Variants in POPDC3 observed in about 807,000 individuals in gnomAD.
The protein encoded by POPDC3 is popeye domain-containing protein 3.
A neutral mutation model predicts 28.2 loss-of-function variants in POPDC3; 20 were observed. The observed-to-expected ratio is 0.71, with a 90% CI of 0.50 to 1.03. The LOEUF (loss-of-function observed/expected upper bound fraction) is 1.03. POPDC3 is among the 50% of genes least tolerant of loss of function. POPDC3 has a pLI of 0.00. For synonymous variants in POPDC3, 118 were observed against 124.1 expected (o/e 0.95, Z 0.33); for missense variants, 316 against 345.9 (o/e 0.91, Z 0.69).
At chr6:105,178,978 G>A in intron 1 of POPDC3, 1 of 985,446 alleles carries the variant, frequency 1.0e-6, no homozygotes, top group South Asian at 4.7e-5. Flanking sequence ...ACGAAGTTTA[G>A]TAAATCAAAT....
chr6:105,162,553 G>A (rs968057612), intron 1 of POPDC3, among the ~76,000 whole-genome samples: 4 of 151,950 alleles, frequency 2.6e-5, no homozygotes, highest in African/African-American at 4.8e-5. Flanking sequence ...CCAACATGGC[G>A]AAACCCTGTC....
intron 2 of POPDC3, 45 bp downstream of exon 2, chr6:105,161,380 C>A: frequency 6.4e-7 from 1 of 1,572,202 alleles, no homozygotes; most frequent in Non-Finnish European, 8.6e-7. Flanking sequence ...GAAACACAAA[C>A]AACTAATACT....
intron 1 of POPDC3, among the ~76,000 whole-genome samples, chr6:105,165,505 C>T (rs1277010850): frequency 3.9e-5 from 6 of 152,220 alleles, no homozygotes; most frequent in Admixed American, 3.9e-4. Flanking sequence ...GAAGTGCAAG[C>T]ACTCTGCCTT....
intron 1 of POPDC3, chr6:105,170,056 G>C (rs776733358): frequency 6.6e-6 from 1 of 152,220 alleles, no homozygotes; most frequent in Non-Finnish European, 1.5e-5. Flanking sequence ...GGTCCTACCA[G>C]TTGAGTCACT....
rs1018093258 is a variant in POPDC3, at chr6:105,172,104, A to C, written c.-252+7729T>G. On this transcript the variant is annotated intron_variant, in intron 1 of 3. Coordinates refer to ENST00000254765, the MANE Select transcript of POPDC3 (RefSeq NM_022361.5). ...ATCAGAGTGAACAGGCAACCTACAA[A>C]ATGGGAGAAAATTTTTGCAATCTAC... Among the ~76,000 whole-genome samples, 4 of 151,228 alleles carry C rather than the reference A, an allele frequency of 2.6e-5. 1 individual carries two copies. Among genetic ancestry groups the C allele is most frequent in the Non-Finnish European group, 5.9e-5 (4 of 67,862 alleles).
At chr6:105,178,684 A>G (rs901777009) in intron 1 of POPDC3, 10 of 976,286 alleles carry the variant, frequency 1.0e-5, no homozygotes, top group African/African-American at 1.8e-5. Flanking sequence ...GCGAATATGG[A>G]AACTGAGATC....
chr6:105,159,577 T>C (rs1165611323), intron 3 of POPDC3, 134 bp downstream of exon 3: 3 of 574,516 alleles, frequency 5.2e-6, no homozygotes, highest in Non-Finnish European at 9.4e-6. Context: ...GGGAAAGTCA[T>C]GTATGCTGCA....
chr6:105,176,564 G>GT (rs1491237377), intron 1 of POPDC3, among the ~76,000 whole-genome samples: 25 of 19,268 alleles, frequency 1.3e-3, no homozygotes, highest in Admixed American at 1.9e-3. Context: ...TTGACATATC[G>GT]TTTTTTTTTT....
intron 1 of POPDC3, among the ~76,000 whole-genome samples, chr6:105,175,815 C>A (rs979409228): frequency 6.6e-6 from 1 of 152,062 alleles, no homozygotes; most frequent in Non-Finnish European, 1.5e-5. Flanking sequence ...GCACTCCAGC[C>A]TGGGGTGACA....
At chr6:105,179,168 C>A (rs1774734371) in intron 1 of POPDC3, 5 of 985,292 alleles carry the variant, frequency 5.1e-6, no homozygotes, top group Middle Eastern at 1.0e-3. Flanking sequence ...CTGTAACCGA[C>A]ATGGTGATAA....
chr6:105,177,568 G>T (rs2114551480), intron 1 of POPDC3, among the ~76,000 whole-genome samples: 1 of 152,350 alleles, frequency 6.6e-6, no homozygotes. Context: ...ACCAAGATCA[G>T]CTGTGCTCTT....
chr6:105,175,269 T>A (rs1774659346), intron 1 of POPDC3, among the ~76,000 whole-genome samples: 1 of 151,716 alleles, frequency 6.6e-6, no homozygotes, highest in Non-Finnish European at 1.5e-5. Flanking sequence ...CTGGGTATAG[T>A]GGCTCATGCC....
chr6:105,176,456 T>C (rs1562158478), intron 1 of POPDC3, among the ~76,000 whole-genome samples: 1 of 152,232 alleles, frequency 6.6e-6, no homozygotes, highest in East Asian at 1.9e-4. Context: ...AAGTTAGTTT[T>C]TCACACAGGG....
At chr6:105,159,979 A>G in intron 2 of POPDC3, 160 bp from the exon 3 acceptor site, 1 of 536,722 alleles carries the variant, frequency 1.9e-6, no homozygotes, top group Non-Finnish European at 3.4e-6. Context: ...ATAATAAGTG[A>G]CATAATGTCC....
At position 105,172,845 on chromosome 6, in the gene POPDC3, G is replaced by T. The variant is rs1454137541; in HGVS notation, c.-252+6988C>A. ...GGTGGGAATTGAACAATGAGAACAC[G>T]TGGACACGGGAAGGGGAACATCACA... On this transcript the variant is annotated intron_variant, in intron 1 of 3. Coordinates refer to ENST00000254765, the MANE Select transcript of POPDC3 (RefSeq NM_022361.5). Among the ~76,000 whole-genome samples the T allele has an allele frequency of 4.3e-5, 6 of 138,838 alleles. No homozygotes were observed. The East Asian group carries it at 1.1e-3, about 26-fold the overall frequency. The allele number at this position is 138,838 out of a possible 152,430, so 91.1% of individuals were successfully genotyped here. A position where few individuals can be genotyped will look rare whatever the true frequency, so the allele number is the denominator to read the frequency against.
intron 1 of POPDC3, among the ~76,000 whole-genome samples, chr6:105,170,726 TAAC>T (rs1048835224): frequency 2.0e-5 from 3 of 152,168 alleles, no homozygotes; most frequent in African/African-American, 4.8e-5. Context: ...AACTGTGCAA[TAAC>T]AACCACAGGG....
chr6:105,174,135 G>A (rs1293254886), intron 1 of POPDC3, among the ~76,000 whole-genome samples: 7 of 152,172 alleles, frequency 4.6e-5, no homozygotes, highest in Non-Finnish European at 7.3e-5. Flanking sequence ...TCCGCCTCCC[G>A]GGTTCAAGCG....
At chr6:105,175,818 G>C (rs1466690348) in intron 1 of POPDC3, among the ~76,000 whole-genome samples, 1 of 151,970 alleles carries the variant, frequency 6.6e-6, no homozygotes, top group African/African-American at 2.4e-5. Flanking sequence ...CTCCAGCCTG[G>C]GGTGACAGAG....
At chr6:105,159,854 G>T in intron 2 of POPDC3, 35 bp from the exon 3 acceptor site, 1 of 1,462,676 alleles carries the variant, frequency 6.8e-7, no homozygotes, top group Non-Finnish European at 9.6e-7. Flanking sequence ...TATAAGGGAA[G>T]GAGAAAGAGA....
Sources: gnomAD v4.1 joint callset for allele counts (sites outside exome capture counted in the v4.1 genomes callset) on GRCh38, gnomAD v4.1.1 for gene constraint, MANE v1.5 for transcripts, NCBI Gene and HGNC (gene_info 2026-07-23, HGNC 2026-07-21) for gene names.